FAAP24: variants seen among roughly 807,000 people sequenced by gnomAD.
FAAP24 encodes FA core complex associated protein 24.
In FAAP24, 16 loss-of-function variants were observed where a neutral mutation model predicts 14.3. That is an observed-to-expected ratio of 1.12 (90% CI 0.76 to 1.69). FAAP24 has a LOEUF of 1.69. Among genes scored for constraint, FAAP24 ranks in the 40% most tolerant of loss-of-function variants. The pLI, the probability that FAAP24 is intolerant of heterozygous loss-of-function variation, is 0.00. For synonymous variants in FAAP24, 111 were observed against 106.2 expected, an observed-to-expected ratio of 1.04 and a Z score of -0.28; for missense variants, 234 against 262.7, an observed-to-expected ratio of 0.89 and a Z score of 0.75.
chr19:32,977,205 T>C lies in FAAP24; in HGVS notation c.*523T>C. On this transcript the variant is annotated 3_prime_UTR_variant, in exon 5 of 5. Coordinates refer to ENST00000588258, the MANE Select transcript of FAAP24 (RefSeq NM_152266.5). ...GCAGAGGGCACTGCCTTCATTCTGCTAAGACGAAAAGGGCTGGTGGGATCT... is the reference window on the plus strand; with the variant it reads ...GCAGAGGGCACTGCCTTCATTCTGCCAAGACGAAAAGGGCTGGTGGGATCT... 2.5e-6 allele frequency: 1 copy of C among 399,962 alleles called. No homozygotes were observed. Among genetic ancestry groups the C allele is most frequent in the Non-Finnish European group, 4.4e-6 (1 of 226,986 alleles). The allele number at this position is 399,962 out of a possible 1,614,324, so 24.8% of individuals were successfully genotyped here. A position where few individuals can be genotyped will look rare whatever the true frequency, so the allele number is the denominator to read the frequency against.
rs370748501 is a variant in FAAP24, at chr19:32,974,168, C to T, written c.352C>T (p.Pro118Ser). Residue 118 changes from proline (P) to serine (S), a missense_variant, in exon 4 of 5, where the codon CCA (proline) becomes TCA (serine). By Grantham distance (74) the Pro-to-Ser change is moderately conservative. Coordinates refer to ENST00000588258, the MANE Select transcript of FAAP24 (RefSeq NM_152266.5). ...GCTGGACCTTGGAATGGTGCTGCTT[C>T]CAGTGGCCAGCCAGATGGAAGCATC... ...TVLDLGMVLL[P>S]VASQMEASCL... 4.3e-6 allele frequency: 7 copies of T among 1,613,798 alleles called. No homozygotes were observed. Among genetic ancestry groups the T allele is most frequent in the Non-Finnish European group, 4.2e-6 (5 of 1,179,996 alleles).
chr19:32,973,910 G>A (rs878874157), intron 3 of FAAP24, 150 bp from the exon 4 acceptor site: 7 of 766,756 alleles, frequency 9.1e-6, no homozygotes, highest in Admixed American at 5.6e-5. Context: ...AAAGAAACTC[G>A]AACATTGATT....
chr19:32,972,503 C>G (rs1026591684), intron 1 of FAAP24, 157 bp downstream of exon 1: 28 of 390,768 alleles, frequency 7.2e-5, no homozygotes, highest in Non-Finnish European at 1.1e-4. Context: ...TCTCGAACTC[C>G]TGGGCACAAG....
At position 32,976,608 on chromosome 19, in the gene FAAP24, A is replaced by G. The variant is rs1971521387; in HGVS notation, c.574A>G (p.Ile192Val). ...PSIQQLSNAS[I>V]GELEQVVGQA... is the part of the protein sequence containing the mutation. ...CATCCAGCAACTGAGTAATGCTTCC[A>G]TTGGGGAACTGGAGCAGGTGGTCGG... The change falls in exon 5 of 5, where the codon ATT (isoleucine) becomes GTT (valine). Residue 192 changes from isoleucine to valine, a missense_variant. By Grantham distance (29) the Ile-to-Val change is conservative (BLOSUM62 3). Transcript: ENST00000588258. 9 of 1,614,132 alleles carry G rather than the reference A, an allele frequency of 5.6e-6. No homozygotes were observed. Among genetic ancestry groups the G allele is most frequent in the Non-Finnish European group, 5.9e-6 (7 of 1,180,026 alleles).
chr19:32,976,262 A>G (rs1971514681), intron 4 of FAAP24, among the ~76,000 whole-genome samples, 169 bp from the exon 5 acceptor site: 1 of 152,208 alleles, frequency 6.6e-6, no homozygotes, highest in African/African-American at 2.4e-5. Flanking sequence ...TTCACCTTTC[A>G]ATAATTTTAC....
In FAAP24 at chr19:32,973,578, G is replaced by C; in HGVS notation, c.243+16G>C. The stretch of plus-strand genomic sequence containing the variant: ...GGTTAGAAATGTAAGTATTAGGCTG[G>C]GTGCTGTGGCTCACGCCAGTAATCC... On this transcript the variant is annotated intron_variant, in intron 3 of 4. Coordinates refer to ENST00000588258, the MANE Select transcript of FAAP24 (RefSeq NM_152266.5). 6.2e-7 allele frequency: 1 copy of C among 1,613,838 alleles called. No individual in the cohort carries two copies. The highest frequency in any genetic ancestry group is 8.5e-7 in the Non-Finnish European group (1 of 1,179,848).
In FAAP24 at chr19:32,977,410, A is replaced by T. The variant is rs1971535146; in HGVS notation, c.*728A>T. ...TGTATCCTAAGCCCTGGGTTCCCAG[A>T]GTTTCACCTGCTGTTCATCAGGTCT... On this transcript the variant is annotated 3_prime_UTR_variant, in exon 5 of 5. Coordinates refer to ENST00000588258, the MANE Select transcript of FAAP24 (RefSeq NM_152266.5). 2.0e-5 allele frequency: 8 copies of T among 398,616 alleles called. No homozygotes were observed. The East Asian group carries it at 2.8e-4, about 14-fold the overall frequency. 24.7% of individuals were successfully genotyped at this position (398,616 alleles called of 1,614,324 possible).
intron 4 of FAAP24, among the ~76,000 whole-genome samples, chr19:32,974,882 T>TCC (rs1446288114): frequency 1.4e-5 from 2 of 146,932 alleles, no homozygotes; most frequent in Non-Finnish European, 3.0e-5. Flanking sequence ...TTTTTTTTTT[T>TCC]CCCTTTTTTT....
At position 32,976,860 on chromosome 19, in the gene FAAP24, C is replaced by A; in HGVS notation, c.*178C>A. ...GTCAGGAGTTCAAGACCAGCCTGGC[C>A]AACATGGAGAAACCCCTAAAAATAG... On this transcript the variant is annotated 3_prime_UTR_variant, in exon 5 of 5. Transcript: ENST00000588258. 1.4e-6 allele frequency: 1 copy of A among 723,364 alleles called. No homozygotes were observed. Among genetic ancestry groups the A allele is most frequent in the Non-Finnish European group, 2.2e-6 (1 of 455,456 alleles). The allele number at this position is 723,364 out of a possible 1,614,324, so 44.8% of individuals were successfully genotyped here.
At chr19:32,975,298 T>C (rs1216421980) in intron 4 of FAAP24, among the ~76,000 whole-genome samples, 1 of 151,224 alleles carries the variant, frequency 6.6e-6, no homozygotes, top group Admixed American at 6.6e-5. Context: ...GCCTCCCTAG[T>C]ACCTGGGATT....
chr19:32,976,324 G>C (rs1971515277), intron 4 of FAAP24, 107 bp from the exon 5 acceptor site: 2 of 1,404,304 alleles, frequency 1.4e-6, no homozygotes, highest in Non-Finnish European at 1.9e-6. Flanking sequence ...GTTCCCTTAA[G>C]TCAAGCTGAG....
In FAAP24 at chr19:32,974,079, T is replaced by C. The variant is rs1298152777; in HGVS notation, c.263T>C (p.Ile88Thr). Reference sequence around the variant, plus strand: ...TTCAAGTCCAATAATCTTAAAGGAATTGTAGTCGTTGAAAAAACCCGGATG... The same window carrying C: ...TTCAAGTCCAATAATCTTAAAGGAACTGTAGTCGTTGAAAAAACCCGGATG... ...RVRNSNNLKGIVVVEKTRMSE... is the reference protein window; with the variant it reads ...RVRNSNNLKGTVVVEKTRMSE... The change falls in exon 4 of 5, where the codon ATT (isoleucine) becomes ACT (threonine). Residue 88 changes from isoleucine to threonine, a missense_variant. Ile to Thr is a moderately conservative substitution (Grantham distance 89). Transcript: ENST00000588258. The C allele has an allele frequency of 6.2e-7, 1 of 1,613,888 alleles. No individual in the cohort carries two copies. Among genetic ancestry groups the C allele is most frequent in the African/African-American group, 1.3e-5 (1 of 74,922 alleles).
chr19:32,972,327 G>C lies in FAAP24; in HGVS notation c.-33G>C. 2 of 415,896 alleles carry C rather than the reference G, an allele frequency of 4.8e-6. No homozygotes were observed. Among genetic ancestry groups the C allele is most frequent in the Non-Finnish European group, 8.5e-6 (2 of 234,390 alleles). The allele number at this position is 415,896 out of a possible 1,614,324, so 25.8% of individuals were successfully genotyped here. On this transcript the variant is annotated 5_prime_UTR_variant, in exon 1 of 5. Coordinates refer to ENST00000588258, the MANE Select transcript of FAAP24 (RefSeq NM_152266.5). ...TCCTGCCGGCTGTATTCGGGCCTTG[G>C]ACTGGACTGAGAAGCTACGGTGCGG...
chr19:32,974,993 A>G (rs1022502642), intron 4 of FAAP24, among the ~76,000 whole-genome samples: 3 of 151,436 alleles, frequency 2.0e-5, no homozygotes, highest in Non-Finnish European at 4.4e-5. Context: ...CTTCTGCCTC[A>G]GCCTCCCGAG....
At chr19:32,972,894 T>C (rs1404284468) in intron 1 of FAAP24, among the ~76,000 whole-genome samples, 1 of 151,754 alleles carries the variant, frequency 6.6e-6, no homozygotes, top group African/African-American at 2.4e-5. Context: ...TTTTGTATTT[T>C]TAGTAGAGAC....
Position 32,976,489 on chromosome 19 carries a change from T to C in FAAP24, c.455T>C (p.Leu152Pro), listed in dbSNP as rs758506303. ...KNPLLGKKRALLLSEPSLLRT... is the reference protein window; with the variant it reads ...KNPLLGKKRAPLLSEPSLLRT... Reference sequence around the variant, plus strand: ...CCTCTTCTCGGGAAGAAACGGGCCCTGCTGCTGTCTGAGCCTTCGCTCCTT... The same window carrying C: ...CCTCTTCTCGGGAAGAAACGGGCCCCGCTGCTGTCTGAGCCTTCGCTCCTT... Residue 152 changes from leucine (L) to proline (P), a missense_variant, in exon 5 of 5, where the codon CTG becomes CCG. By Grantham distance (98) the Leu-to-Pro change is moderately conservative. Transcript: ENST00000588258. The C allele has an allele frequency of 7.4e-6, 12 of 1,614,050 alleles. No individual in the cohort carries two copies. The highest frequency in any genetic ancestry group is 1.0e-5 in the Non-Finnish European group (12 of 1,180,020).
At chr19:32,974,391 G>T (rs1248914314) in intron 4 of FAAP24, among the ~76,000 whole-genome samples, 179 bp downstream of exon 4, 1 of 152,202 alleles carries the variant, frequency 6.6e-6, no homozygotes, top group Non-Finnish European at 1.5e-5. Context: ...CACACTCCAG[G>T]CAAGTGTATC....
At position 32,973,318 on chromosome 19, in the gene FAAP24, T is replaced by G; in HGVS notation, c.106+16T>G. On this transcript the variant is annotated intron_variant, in intron 2 of 4. Transcript: ENST00000588258. ...GAGATGCAAGGTCGGTGGCCTGCCCTCTGCCAGCCCTTTCCTCCCCTGACA... is the reference window on the plus strand; with the variant it reads ...GAGATGCAAGGTCGGTGGCCTGCCCGCTGCCAGCCCTTTCCTCCCCTGACA... 6.2e-7 allele frequency: 1 copy of G among 1,613,128 alleles called. No homozygotes were observed.
At chr19:32,973,952 G>A (rs113298022) in intron 3 of FAAP24, 108 bp from the exon 4 acceptor site, 32 of 1,052,170 alleles carry the variant, frequency 3.0e-5, no homozygotes, top group African/African-American at 1.9e-4. Flanking sequence ...CCATCCCTTG[G>A]TATCATTTAT....
Sources: gnomAD v4.1 joint callset for allele counts (sites outside exome capture counted in the v4.1 genomes callset) on GRCh38, gnomAD v4.1.1 for gene constraint, MANE v1.5 for transcripts, NCBI Gene and HGNC (gene_info 2026-07-23, HGNC 2026-07-21) for gene names.